AFF1: variants seen among roughly 807,000 people sequenced by gnomAD.
The protein encoded by AFF1 is ALF transcription elongation factor 1.
AFF1 carries 48 observed loss-of-function variants against 121.7 expected under a neutral mutation model. That is an observed-to-expected ratio of 0.39 (90% CI 0.31 to 0.50). The LOEUF is 0.50. Among genes scored for constraint, AFF1 ranks in the 20% least tolerant of loss-of-function variants. The probability of loss-of-function intolerance (pLI) is 0.76; values close to 1 mark genes in which losing one functional copy is unlikely to be tolerated. For synonymous variants in AFF1, 613 were observed against 563.0 expected, an observed-to-expected ratio of 1.09 and a Z score of -1.26; for missense variants, 1,523 against 1,511.7, an observed-to-expected ratio of 1.01 and a Z score of -0.12.
intron 2 of AFF1, among the ~76,000 whole-genome samples, chr4:86,996,601 G>GT (rs1405147462): frequency 2.0e-5 from 3 of 151,196 alleles, no homozygotes; most frequent in African/African-American, 7.3e-5. Flanking sequence ...AGGCCGCAGG[G>GT]TCCTCTGCCT....
intron 2 of AFF1, among the ~76,000 whole-genome samples, chr4:87,021,674 A>C (rs565433871): frequency 5.4e-4 from 83 of 152,330 alleles, no homozygotes; most frequent in African/African-American, 1.9e-3. Context: ...TTAAAAGAGA[A>C]ATGTCTTCCT....
intron 2 of AFF1, among the ~76,000 whole-genome samples, chr4:87,033,212 C>T (rs1729237255): frequency 6.6e-6 from 1 of 152,220 alleles, no homozygotes; most frequent in African/African-American, 2.4e-5. Context: ...CCTTAATATC[C>T]TGTTGTTCCC....
chr4:87,001,064 A>C (rs147833194), intron 2 of AFF1, among the ~76,000 whole-genome samples: 7 of 152,080 alleles, frequency 4.6e-5, no homozygotes, highest in Non-Finnish European at 8.8e-5. Context: ...ATGAGGATCT[A>C]TCTATTAATA....
At chr4:86,949,981 G>GC in intron 2 of AFF1, 1 of 1,614,160 alleles carries the variant, frequency 6.2e-7, no homozygotes, top group Non-Finnish European at 8.5e-7. Context: ...TGCCGAGCTG[G>GC]CAGATCACAA....
At chr4:86,982,784 G>A (rs918204256) in intron 2 of AFF1, among the ~76,000 whole-genome samples, 1 of 148,720 alleles carries the variant, frequency 6.7e-6, no homozygotes, top group Non-Finnish European at 1.5e-5. Context: ...GGAGGCGGAG[G>A]TTGTGGTGAG....
intron 4 of AFF1, among the ~76,000 whole-genome samples, chr4:87,078,222 A>C (rs968249746): frequency 6.6e-6 from 1 of 152,184 alleles, no homozygotes; most frequent in African/African-American, 2.4e-5. Flanking sequence ...ATGCAAAACA[A>C]TTATCTTTTT....
In AFF1 at chr4:87,135,562, GTTTTGT is replaced by G. The variant is rs753614210; in HGVS notation, c.3536-13_3536-8del. On this transcript the variant is annotated splice_polypyrimidine_tract_variant and intron_variant, in intron 20 of 20. Coordinates refer to ENST00000395146, the MANE Select transcript of AFF1 (RefSeq NM_001166693.3). The stretch of plus-strand genomic sequence containing the variant: ...TTGTGTATTTACTTGTTTTTGTTTT[GTTTTGT>G]TTTTTTTGCAGAATTCTTTGCTCGG... The G allele has an allele frequency of 9.5e-6, 14 of 1,472,376 alleles. No individual in the cohort carries two copies. The East Asian group carries it at 9.7e-5, about 10-fold the overall frequency. 91.2% of individuals were successfully genotyped at this position (1,472,376 alleles called of 1,614,324 possible). A position where few individuals can be genotyped will look rare whatever the true frequency, so the allele number is the denominator to read the frequency against.
At position 87,140,662 on chromosome 4, in the gene AFF1, A is replaced by T. The variant is rs1372339286; in HGVS notation, c.*4961A>T. On this transcript the variant is annotated 3_prime_UTR_variant, in exon 21 of 21. Coordinates refer to ENST00000395146, the MANE Select transcript of AFF1 (RefSeq NM_001166693.3). ...ATAACGTGCCAGCTATCATCAACAC[A>T]ATGATTTTGTACATAGGGTAGGGAA... The T allele has an allele frequency of 5.3e-6, 1 of 189,450 alleles. No homozygotes were observed. The highest frequency in any genetic ancestry group is 1.1e-5 in the Non-Finnish European group (1 of 89,890). The allele number at this position is 189,450 out of a possible 1,614,324, so 11.7% of individuals were successfully genotyped here. A position where few individuals can be genotyped will look rare whatever the true frequency, so the allele number is the denominator to read the frequency against.
intron 12 of AFF1, among the ~76,000 whole-genome samples, chr4:87,119,868 G>C (rs559743592): frequency 8.5e-5 from 13 of 152,236 alleles, no homozygotes; most frequent in Non-Finnish European, 1.9e-4. Flanking sequence ...AGGAAGGGAA[G>C]TTATGATGTG....
At chr4:87,114,228 G>T in intron 11 of AFF1, 139 bp from the exon 12 acceptor site, 1 of 670,412 alleles carries the variant, frequency 1.5e-6, no homozygotes, top group Non-Finnish European at 2.4e-6. Context: ...AACTTGAGGA[G>T]GATGACCGGA....
rs200702156 is a variant in AFF1 at position 87,001,240 on chromosome 4, C to T, written c.39-44926C>T. ...TTTTTTTTTTTTTTTTTTTTGGTGA[C>T]GGCGTCTCGCTCTGTCACCAGGCTG... On this transcript the variant is annotated intron_variant, in intron 2 of 20. Transcript: ENST00000395146. Among the ~76,000 whole-genome samples, 59 of 58,116 alleles carry T rather than the reference C, an allele frequency of 1.0e-3. No homozygotes were observed. In the East Asian group the frequency reaches 0.02, roughly 20 times the overall value. 38.1% of individuals were successfully genotyped at this position (58,116 alleles called of 152,430 possible). A position where few individuals can be genotyped will look rare whatever the true frequency, so the allele number is the denominator to read the frequency against.
chr4:86,951,886 T>C (rs1484037605), intron 2 of AFF1, among the ~76,000 whole-genome samples: 1 of 151,898 alleles, frequency 6.6e-6, no homozygotes, highest in Non-Finnish European at 1.5e-5. Context: ...AGTGCTGGGA[T>C]TACAGGCGTG....
chr4:86,957,177 A>G (rs907685399), intron 2 of AFF1, among the ~76,000 whole-genome samples: 2 of 152,180 alleles, frequency 1.3e-5, no homozygotes, highest in Non-Finnish European at 2.9e-5. Context: ...TAAGATGAAC[A>G]CTGAGTTGAA....
At position 87,140,880 on chromosome 4, in the gene AFF1, T is replaced by G. The variant is rs983605716; in HGVS notation, c.*5179T>G. 1.2e-4 allele frequency: 22 copies of G among 185,416 alleles called. No individual in the cohort carries two copies. Among genetic ancestry groups the G allele is most frequent in the African/African-American group, 4.9e-4 (21 of 42,636 alleles). 11.5% of individuals were successfully genotyped at this position (185,416 alleles called of 1,614,324 possible). A position where few individuals can be genotyped will look rare whatever the true frequency, so the allele number is the denominator to read the frequency against. On this transcript the variant is annotated 3_prime_UTR_variant, in exon 21 of 21. Coordinates refer to ENST00000395146, the MANE Select transcript of AFF1 (RefSeq NM_001166693.3). ...TTTTAGAAGAAAAATCTGCAAAAGATCTTTCCAAAGACAATGTGCCACAGA... is the reference window on the plus strand; with the variant it reads ...TTTTAGAAGAAAAATCTGCAAAAGAGCTTTCCAAAGACAATGTGCCACAGA...
intron 5 of AFF1, among the ~76,000 whole-genome samples, chr4:87,085,001 GA>G (rs1279651900): frequency 1.3e-5 from 2 of 152,206 alleles, no homozygotes; most frequent in Admixed American, 1.3e-4. Context: ...TTAAAGGAAT[GA>G]AAGAAAAATA....
intron 4 of AFF1, 25 bp from the exon 5 acceptor site, chr4:87,084,095 T>G (rs1338233220): frequency 1.2e-6 from 2 of 1,613,172 alleles, no homozygotes; most frequent in Non-Finnish European, 1.7e-6. Context: ...TTGCTAACCT[T>G]TTATTTTTTG....
chr4:87,131,466 G>A (rs1490575251), intron 17 of AFF1, among the ~76,000 whole-genome samples: 1 of 152,178 alleles, frequency 6.6e-6, no homozygotes, highest in Non-Finnish European at 1.5e-5. Context: ...AGGGAGATTG[G>A]TTTTTCCAGT....
chr4:87,026,061 CTT>C (rs34793575), intron 2 of AFF1, among the ~76,000 whole-genome samples: 11 of 109,698 alleles, frequency 1.0e-4, no homozygotes, highest in Non-Finnish European at 1.1e-4. Context: ...AGAGACCATG[CTT>C]TTTTTTTTTT....
chr4:87,121,877 C>G (rs1430659572), intron 12 of AFF1, among the ~76,000 whole-genome samples: 1 of 152,190 alleles, frequency 6.6e-6, no homozygotes, highest in African/African-American at 2.4e-5. Flanking sequence ...GATTGATTTG[C>G]CCTGACTTGT....
Sources: gnomAD v4.1 joint callset for allele counts (sites outside exome capture counted in the v4.1 genomes callset) on GRCh38, gnomAD v4.1.1 for gene constraint, MANE v1.5 for transcripts, NCBI Gene and HGNC (gene_info 2026-07-23, HGNC 2026-07-21) for gene names.